Variants in SLC25A31 observed in about 807,000 individuals in gnomAD.
The protein encoded by SLC25A31 is solute carrier family 25 member 31, also known as ADP/ATP translocase 4.
Under a neutral mutation model 36.2 loss-of-function variants are expected in SLC25A31, and 40 were observed. The observed-to-expected ratio is 1.10, with a 90% CI of 0.86 to 1.44. The LOEUF (loss-of-function observed/expected upper bound fraction) is 1.44, where lower values mean the gene tolerates loss of function less well. SLC25A31 is among the 40% of genes most tolerant of loss of function. The pLI is 0.00. For synonymous variants in SLC25A31, 143 were observed against 149.7 expected, an observed-to-expected ratio of 0.96 and a Z score of 0.32; for missense variants, 350 against 397.1, an observed-to-expected ratio of 0.88 and a Z score of 1.01.
chr4:127,748,358 G>A (rs35008927), intron 2 of SLC25A31, among the ~76,000 whole-genome samples: 15,209 of 152,152 alleles, frequency 0.1, 1,049 homozygotes, highest in Non-Finnish European at 0.14. Flanking sequence ...TGACCCCAGA[G>A]ACAAGCTTAA....
intron 2 of SLC25A31, among the ~76,000 whole-genome samples, chr4:127,759,754 G>A (rs945439856): frequency 1.3e-5 from 2 of 152,086 alleles, no homozygotes; most frequent in Admixed American, 1.3e-4. Flanking sequence ...TTTAAACAAT[G>A]TTGCAAACAT....
intron 5 of SLC25A31, among the ~76,000 whole-genome samples, chr4:127,770,207 C>T (rs1732326365): frequency 6.6e-6 from 1 of 152,170 alleles, no homozygotes; most frequent in African/African-American, 2.4e-5. Flanking sequence ...CATTGAGAAA[C>T]TTTTTAAAAT....
At position 127,773,566 on chromosome 4, in the gene SLC25A31, G is replaced by C; in HGVS notation, c.940G>C (p.Gly314Arg). ...IKEFFHIDIG[G>R]R ...AGAATTCTTTCATATTGATATTGGT[G>C]GTAGGTAATCGGGAGAGTAAATTAA... is the stretch of plus-strand genomic sequence containing the variant. The change falls in exon 6 of 6, where the codon GGT becomes CGT. Residue 314 changes from glycine (G) to arginine (R), a missense_variant. Transcript: ENST00000281154. 1 of 1,590,824 alleles carries C rather than the reference G, an allele frequency of 6.3e-7. No homozygotes were observed. The highest frequency in any genetic ancestry group is 8.5e-7 in the Non-Finnish European group (1 of 1,170,818).
At position 127,744,054 on chromosome 4, in the gene SLC25A31, TG is replaced by T. The variant is rs1258627844; in HGVS notation, c.233-615del. On this transcript the variant is annotated intron_variant, in intron 1 of 5. Coordinates refer to ENST00000281154, the MANE Select transcript of SLC25A31 (RefSeq NM_031291.4). Reference sequence around the variant, plus strand: ...TTTAAGGGGTACACAATGAATTATATGGGTTGGTCAATCCCTGGAGAATTCA... The same window carrying T: ...TTTAAGGGGTACACAATGAATTATATGGTTGGTCAATCCCTGGAGAATTCA... Among the ~76,000 whole-genome samples, 4 of 152,292 alleles carry T rather than the reference TG, an allele frequency of 2.6e-5. No homozygotes were observed. The East Asian group carries it at 7.7e-4, about 29-fold the overall frequency.
intron 1 of SLC25A31, among the ~76,000 whole-genome samples, chr4:127,731,949 CCTT>C (rs1405829008): frequency 1.3e-5 from 2 of 152,048 alleles, no homozygotes; most frequent in African/African-American, 4.8e-5. Flanking sequence ...CAAGCACTGT[CCTT>C]ATTTAAAATT....
rs746406785 is a variant in SLC25A31, at chr4:127,773,609, C to G, written c.*35C>G. The stretch of plus-strand genomic sequence containing the variant: ...TAAATTAAGAAATACATGGATTTAA[C>G]TTGTTAAACATACAAATTACATAGC... On this transcript the variant is annotated 3_prime_UTR_variant, in exon 6 of 6. Coordinates refer to ENST00000281154, the MANE Select transcript of SLC25A31 (RefSeq NM_031291.4). The G allele has an allele frequency of 1.3e-5, 19 of 1,474,984 alleles. 1 individual carries two copies. The African/African-American group carries it at 2.7e-4, about 21-fold the overall frequency. 91.4% of individuals were successfully genotyped at this position (1,474,984 alleles called of 1,614,324 possible).
At chr4:127,742,076 C>T (rs781131080) in intron 1 of SLC25A31, among the ~76,000 whole-genome samples, 1 of 152,022 alleles carries the variant, frequency 6.6e-6, no homozygotes, top group African/African-American at 2.4e-5. Flanking sequence ...TAATAAAATA[C>T]CAACCAGCAC....
At chr4:127,749,478 G>T (rs925365367) in intron 2 of SLC25A31, among the ~76,000 whole-genome samples, 3 of 152,100 alleles carry the variant, frequency 2.0e-5, no homozygotes, top group African/African-American at 7.2e-5. Flanking sequence ...GTGTGTAGTG[G>T]CTCAGGCCTG....
intron 1 of SLC25A31, among the ~76,000 whole-genome samples, chr4:127,741,707 A>G (rs1731735514): frequency 6.6e-6 from 1 of 152,112 alleles, no homozygotes; most frequent in African/African-American, 2.4e-5. Flanking sequence ...TGGCTTTGGT[A>G]CCGGGGTAAT....
intron 5 of SLC25A31, among the ~76,000 whole-genome samples, chr4:127,770,486 C>T (rs1732333794): frequency 6.6e-6 from 1 of 151,754 alleles, no homozygotes; most frequent in South Asian, 2.1e-4. Flanking sequence ...ATTAGCCAGG[C>T]GTGGTGGCGG....
chr4:127,736,588 G>T (rs1471992123), intron 1 of SLC25A31, among the ~76,000 whole-genome samples: 1 of 152,196 alleles, frequency 6.6e-6, no homozygotes, highest in African/African-American at 2.4e-5. Context: ...TAGACCTCGA[G>T]TCGAATGGAC....
At chr4:127,740,940 T>A (rs1311299679) in intron 1 of SLC25A31, among the ~76,000 whole-genome samples, 1 of 152,204 alleles carries the variant, frequency 6.6e-6, no homozygotes, top group Non-Finnish European at 1.5e-5. Flanking sequence ...TTTCATCAGT[T>A]TTTTAAACTT....
rs1384361161 is a variant in SLC25A31, at chr4:127,730,736, A to G, written c.191A>G (p.Lys64Arg). Residue 64 changes from lysine to arginine, a missense_variant, in exon 1 of 6, where the codon AAA (lysine) becomes AGA (arginine). Physicochemically the swap from Lys to Arg is conservative, Grantham distance 26. Transcript: ENST00000281154. ...SKQISPEARY[K>R]GMVDCLVRIP... ...CAGATCAGCCCCGAGGCGCGGTACA[A>G]AGGCATGGTGGACTGCCTGGTGCGG... 1 of 1,613,634 alleles carries G rather than the reference A, an allele frequency of 6.2e-7. No homozygotes were observed. The highest frequency in any genetic ancestry group is 8.5e-7 in the Non-Finnish European group (1 of 1,179,866).
chr4:127,753,360 G>C (rs1731972177), intron 2 of SLC25A31, among the ~76,000 whole-genome samples: 1 of 151,880 alleles, frequency 6.6e-6, no homozygotes, highest in Non-Finnish European at 1.5e-5. Context: ...ATAGAGACTA[G>C]AGATAAAAGA....
intron 2 of SLC25A31, among the ~76,000 whole-genome samples, chr4:127,762,901 G>A (rs533984763): frequency 5.9e-5 from 9 of 151,470 alleles, no homozygotes; most frequent in African/African-American, 2.2e-4. Flanking sequence ...TCCAGCCTGG[G>A]CGACAGAGCG....
chr4:127,766,308 C>T (rs1178620682), intron 3 of SLC25A31, among the ~76,000 whole-genome samples: 1 of 151,040 alleles, frequency 6.6e-6, no homozygotes, highest in Admixed American at 6.6e-5. Context: ...GCTGGGATTA[C>T]AGGCGACCAC....
rs527341719 is a variant in SLC25A31 at position 127,754,832 on chromosome 4, A to G, written c.361-9411A>G. 3.0e-3 allele frequency among the ~76,000 whole-genome samples: 464 copies of G among 152,330 alleles called. 4 individuals carry two copies. Among genetic ancestry groups the G allele is most frequent in the African/African-American group, 0.011 (448 of 41,586 alleles). On this transcript the variant is annotated intron_variant, in intron 2 of 5. Transcript: ENST00000281154. ...AAATAAAAAAAGAATCCTTCAATTT[A>G]TGTGGGATCACAAAATACCCACAAA...
chr4:127,735,902 T>A (rs1731622554), intron 1 of SLC25A31, among the ~76,000 whole-genome samples: 1 of 143,220 alleles, frequency 7.0e-6, no homozygotes, highest in African/African-American at 2.6e-5. Flanking sequence ...ATTTATTTTT[T>A]TTTTTGAGAC....
intron 1 of SLC25A31, among the ~76,000 whole-genome samples, chr4:127,732,501 G>GGT (rs1166097871): frequency 6.6e-6 from 1 of 152,220 alleles, no homozygotes; most frequent in African/African-American, 2.4e-5. Flanking sequence ...CTTCTGAAGA[G>GGT]AAGTAGGGGC....
Sources: allele counts gnomAD v4.1 joint callset (sites outside exome capture counted in the v4.1 genomes callset), GRCh38; gene constraint gnomAD v4.1.1; transcripts MANE v1.5; gene names NCBI Gene and HGNC (gene_info 2026-07-23, HGNC 2026-07-21).